Variants in ISL2 observed in about 807,000 individuals in gnomAD.
ISL2 encodes insulin gene enhancer protein ISL-2.
In ISL2, 17 loss-of-function variants were observed where a neutral mutation model predicts 34.6. That is an observed-to-expected ratio of 0.49 (90% CI 0.34 to 0.74). The LOEUF (loss-of-function observed/expected upper bound fraction) is 0.74. Among genes scored for constraint, ISL2 ranks in the 30% least tolerant of loss-of-function variants. The probability of loss-of-function intolerance (pLI) is 0.01; values close to 1 mark genes in which losing one functional copy is unlikely to be tolerated. For synonymous variants in ISL2, 232 were observed against 225.5 expected, an observed-to-expected ratio of 1.03 and a Z score of -0.26; for missense variants, 469 against 515.2, an observed-to-expected ratio of 0.91 and a Z score of 0.87.
Position 76,340,518 on chromosome 15 carries a change from C to A in ISL2, c.754C>A (p.Leu252Ile). 3 of 1,612,326 alleles carry A rather than the reference C, an allele frequency of 1.9e-6. No homozygotes were observed. Among genetic ancestry groups the A allele is most frequent in the Non-Finnish European group, 2.5e-6 (3 of 1,179,008 alleles). Residue 252 changes from leucine (L) to isoleucine (I), a missense_variant, in exon 4 of 6, where the codon CTC (leucine) becomes ATC (isoleucine). Coordinates refer to ENST00000290759, the MANE Select transcript of ISL2 (RefSeq NM_145805.3). ...KRCKDKKKSI[L>I]MKQLQQQQHS... ...CTGCAAGGACAAGAAGAAATCCATT[C>A]TCATGAAGCAGCTGCAGCAGCAGCA... is the stretch of plus-strand genomic sequence containing the variant.
Position 76,338,323 on chromosome 15 carries a change from A to G in ISL2, c.320A>G (p.Asp107Gly). Reference sequence around the variant, plus strand: ...AGCGACCTGGTGATGAGGGCGCGGGACAGCGTGTACCACATCGAGTGCTTC... The same window carrying G: ...AGCGACCTGGTGATGAGGGCGCGGGGCAGCGTGTACCACATCGAGTGCTTC... ...SSSDLVMRAR[D>G]SVYHIECFRC... The change falls in exon 3 of 6, where the codon GAC (aspartate) becomes GGC (glycine). Residue 107 changes from aspartate to glycine, a missense_variant. Physicochemically the swap from Asp to Gly is moderately conservative, Grantham distance 94. This residue lies in a region of ISL2 where 297 missense variants were observed against 337.8 expected (regional missense o/e 0.88). Coordinates refer to ENST00000290759, the MANE Select transcript of ISL2 (RefSeq NM_145805.3). 1 of 1,582,422 alleles carries G rather than the reference A, an allele frequency of 6.3e-7. No homozygotes were observed. Among genetic ancestry groups the G allele is most frequent in the East Asian group, 2.4e-5 (1 of 41,952 alleles).
At position 76,341,890 on chromosome 15, in the gene ISL2, AC is replaced by A; in HGVS notation, c.*58del. On this transcript the variant is annotated 3_prime_UTR_variant, in exon 6 of 6. Coordinates refer to ENST00000290759, the MANE Select transcript of ISL2 (RefSeq NM_145805.3). ...CTCGCATGCTCCCTGCATGAGACTC[AC>A]CCATGCTCAGGCCATTCCAGTTCCG... 2 of 1,115,796 alleles carry A rather than the reference AC, an allele frequency of 1.8e-6. No homozygotes were observed. The highest frequency in any genetic ancestry group is 1.4e-6 in the Non-Finnish European group (1 of 729,636). 69.1% of individuals were successfully genotyped at this position (1,115,796 alleles called of 1,614,324 possible). A position where few individuals can be genotyped will look rare whatever the true frequency, so the allele number is the denominator to read the frequency against.
chr15:76,340,384 G>A lies in ISL2; in HGVS notation c.620G>A (p.Arg207Gln). 6.2e-7 allele frequency: 1 copy of A among 1,613,596 alleles called. No individual in the cohort carries two copies. The highest frequency in any genetic ancestry group is 1.3e-5 in the African/African-American group (1 of 75,050). The part of the protein sequence containing the change: ...VLNEKQLHTL[R>Q]TCYAANPRPD... ...AACGAGAAGCAGCTGCACACTCTGC[G>A]GACCTGCTACGCCGCCAACCCGCGG... The change falls in exon 4 of 6, where the codon CGG (arginine) becomes CAG (glutamine). Residue 207 changes from arginine (R) to glutamine (Q), a missense_variant. By Grantham distance (43) the Arg-to-Gln change is conservative. Coordinates refer to ENST00000290759, the MANE Select transcript of ISL2 (RefSeq NM_145805.3).
chr15:76,341,623 C>T, intron 5 of ISL2, 96 bp from the exon 6 acceptor site: 2 of 966,396 alleles, frequency 2.1e-6, no homozygotes, highest in Non-Finnish European at 3.3e-6. Flanking sequence ...GGCGGCCGGT[C>T]CCCAAGGGAC....
rs768048711 is a variant in ISL2 at position 76,338,501 on chromosome 15, C to T, written c.498C>T (p.Gly166=). 14 of 1,313,512 alleles carry T rather than the reference C, an allele frequency of 1.1e-5. 1 individual carries two copies. In the South Asian group the frequency reaches 2.5e-4, roughly 23 times the overall value. The allele number at this position is 1,313,512 out of a possible 1,614,324, so 81.4% of individuals were successfully genotyped here. ...RSPGPLPGAR[G]LHLPDAGSGR... ...CCGGCCCGCTTCCCGGCGCCCGCGG[C>T]CTGCATCTGCCCGGTAAGCGCGCCG... Residue 166 remains glycine (G), a synonymous_variant, in exon 3 of 6, where the codon GGC becomes GGT. Coordinates refer to ENST00000290759, the MANE Select transcript of ISL2 (RefSeq NM_145805.3).
intron 1 of ISL2, among the ~76,000 whole-genome samples, chr15:76,337,226 G>GT (rs2141580622): frequency 1.9e-5 from 2 of 104,562 alleles, no homozygotes; most frequent in Non-Finnish European, 3.9e-5. Context: ...ATTTAGGGAT[G>GT]TGGGTTTTTT....
chr15:76,337,903 C>T lies in ISL2; in HGVS notation c.184C>T (p.Leu62=). The T allele has an allele frequency of 6.2e-7, 1 of 1,612,586 alleles. No homozygotes were observed. The highest frequency in any genetic ancestry group is 8.5e-7 in the Non-Finnish European group (1 of 1,179,566). The stretch of plus-strand genomic sequence containing the variant: ...CAAGTGTGCCGAGTGCAGCCAGTAC[C>T]TGGACGAGACGTGCACGTGCTTCGT... The part of the protein sequence containing the change: ...CLKCAECSQY[L]DETCTCFVRD... Residue 62 remains leucine (L), a synonymous_variant, in exon 2 of 6, where the codon CTG becomes TTG. Transcript: ENST00000290759.
chr15:76,341,323 C>A, intron 5 of ISL2, 22 bp downstream of exon 5: 1 of 1,578,234 alleles, frequency 6.3e-7, no homozygotes, highest in South Asian at 1.2e-5. Flanking sequence ...CCCTACCCGC[C>A]CCGACCTCGG....
intron 1 of ISL2, 70 bp from the exon 2 acceptor site, chr15:76,337,708 C>A (rs2040161474): frequency 7.2e-7 from 1 of 1,396,844 alleles, no homozygotes; most frequent in Non-Finnish European, 9.6e-7. Flanking sequence ...TGGGTTGGGG[C>A]TGGAGTAGCC....
At position 76,338,277 on chromosome 15, in the gene ISL2, T is replaced by G; in HGVS notation, c.274T>G (p.Cys92Gly). Residue 92 changes from cysteine to glycine, a missense_variant, in exon 3 of 6, where the codon TGC (cysteine) becomes GGC (glycine). Cys to Gly is a radical substitution (Grantham distance 159). Transcript: ENST00000290759. ...VRLFGIKCAK[C>G]QVGFSSSDLV... ...GCTGTTCGGCATCAAGTGCGCCAAG[T>G]GCCAGGTGGGCTTCAGCAGCAGCGA... 6.3e-7 allele frequency: 1 copy of G among 1,582,354 alleles called. No homozygotes were observed. Among genetic ancestry groups the G allele is most frequent in the Non-Finnish European group, 8.5e-7 (1 of 1,169,714 alleles).
Position 76,337,812 on chromosome 15 carries a change from G to A in ISL2, c.93G>A (p.Gly31=). Residue 31 remains glycine, a synonymous_variant, in exon 2 of 6, where the codon GGG becomes GGA. Transcript: ENST00000290759. The stretch of plus-strand genomic sequence containing the variant: ...GGACGGCCATGTGCGTGGGCTGCGG[G>A]AGTCAGATCCACGACCAGTTTATCC... ...KPGTAMCVGC[G]SQIHDQFILR... 6.2e-7 allele frequency: 1 copy of A among 1,608,420 alleles called. No individual in the cohort carries two copies. The highest frequency in any genetic ancestry group is 8.5e-7 in the Non-Finnish European group (1 of 1,177,208).
chr15:76,341,821 C>A lies in ISL2; in HGVS notation c.1066C>A (p.Pro356Thr), dbSNP rs1566965841. 6.2e-7 allele frequency: 1 copy of A among 1,612,800 alleles called. No individual in the cohort carries two copies. Among genetic ancestry groups the A allele is most frequent in the Non-Finnish European group, 8.5e-7 (1 of 1,179,240 alleles). Residue 356 changes from proline (P) to threonine (T), a missense_variant, in exon 6 of 6, where the codon CCC becomes ACC. Pro to Thr is a conservative substitution (Grantham distance 38). This residue lies in a region of ISL2 where 169 missense variants were observed against 154.2 expected (regional missense o/e 1.10). Transcript: ENST00000290759. ...PDTPNSMVPSPVET is the reference protein window; with the variant it reads ...PDTPNSMVPSTVET ...CACCCCCAACAGTATGGTGCCGAGT[C>A]CCGTGGAGACGTGAGGGGGACCCCT... is the stretch of plus-strand genomic sequence containing the variant.
At position 76,341,973 on chromosome 15, in the gene ISL2, A is replaced by G; in HGVS notation, c.*138A>G. The G allele has an allele frequency of 3.0e-6, 2 of 673,518 alleles. No individual in the cohort carries two copies. Among genetic ancestry groups the G allele is most frequent in the Non-Finnish European group, 5.3e-6 (2 of 377,504 alleles). 41.7% of individuals were successfully genotyped at this position (673,518 alleles called of 1,614,324 possible). A position where few individuals can be genotyped will look rare whatever the true frequency, so the allele number is the denominator to read the frequency against. ...GTTATTTATGAGAGAGTACCGAGAGACACGGTCTGGACAGCCCAAGGCGCC... is the reference window on the plus strand; with the variant it reads ...GTTATTTATGAGAGAGTACCGAGAGGCACGGTCTGGACAGCCCAAGGCGCC... On this transcript the variant is annotated 3_prime_UTR_variant, in exon 6 of 6. Transcript: ENST00000290759.
Position 76,340,548 on chromosome 15 carries a change from AGC to A in ISL2, c.786_787del (p.Ser262ArgfsTer22). ...LMKQLQQQQH[S>X]DKTSLQGLTG... ...GAAGCAGCTGCAGCAGCAGCAGCAC[AGC>A]GACAAGACGGTGAGCAGCCGCTGGG... is the stretch of plus-strand genomic sequence containing the variant. On this transcript the variant is annotated frameshift_variant, in exon 4 of 6. Transcript: ENST00000290759. LOFTEE classifies it high-confidence loss of function. 6.2e-7 allele frequency: 1 copy of A among 1,607,014 alleles called. No homozygotes were observed. The highest frequency in any genetic ancestry group is 8.5e-7 in the Non-Finnish European group (1 of 1,175,106).
In ISL2 at chr15:76,341,312, G is replaced by A; in HGVS notation, c.963+11G>A. On this transcript the variant is annotated intron_variant, in intron 5 of 5. Coordinates refer to ENST00000290759, the MANE Select transcript of ISL2 (RefSeq NM_145805.3). ...GCCTTCCAACAGCTGGTGAGGCCCT[G>A]CCCTACCCGCCCCGACCTCGGGACT... 4 of 1,575,160 alleles carry A rather than the reference G, an allele frequency of 2.5e-6. No individual in the cohort carries two copies. The highest frequency in any genetic ancestry group is 3.5e-6 in the Non-Finnish European group (4 of 1,158,176).
intron 2 of ISL2, 106 bp from the exon 3 acceptor site, chr15:76,338,146 C>T: frequency 1.4e-6 from 2 of 1,435,074 alleles, no homozygotes; most frequent in Non-Finnish European, 1.8e-6. Context: ...ACCGCAGTCT[C>T]CTGGTGGCCA....
chr15:76,338,492 C>A lies in ISL2; in HGVS notation c.489C>A (p.Gly163=), dbSNP rs1324779185. 7.6e-7 allele frequency: 1 copy of A among 1,315,370 alleles called. No individual in the cohort carries two copies. Among genetic ancestry groups the A allele is most frequent in the South Asian group, 2.7e-5 (1 of 36,422 alleles). 81.5% of individuals were successfully genotyped at this position (1,315,370 alleles called of 1,614,324 possible). The change falls in exon 3 of 6, where the codon GGC becomes GGA. Residue 163 remains glycine (G), a synonymous_variant. Transcript: ENST00000290759. ...CGCGCAGCCCCGGCCCGCTTCCCGG[C>A]GCCCGCGGCCTGCATCTGCCCGGTA... is the stretch of plus-strand genomic sequence containing the variant. The part of the protein sequence containing the change: ...GSPRSPGPLP[G]ARGLHLPDAG...
At chr15:76,339,997 C>T (rs1027006973) in intron 3 of ISL2, 2 of 1,283,224 alleles carry the variant, frequency 1.6e-6, no homozygotes, top group African/African-American at 3.1e-5. Context: ...CAGCCACTCC[C>T]TCCCCGCAGC....
chr15:76,337,013 A>G, intron 1 of ISL2, 72 bp downstream of exon 1: 2 of 1,374,902 alleles, frequency 1.5e-6, no homozygotes, highest in Non-Finnish European at 2.1e-6. Flanking sequence ...TAATGCAGAA[A>G]AATGTTTAGT....
Sources: gnomAD v4.1 joint callset for allele counts (sites outside exome capture counted in the v4.1 genomes callset) on GRCh38, gnomAD v4.1.1 for gene constraint, gnomAD v4.1.1 regional missense constraint, MANE v1.5 for transcripts, NCBI Gene and HGNC (gene_info 2026-07-23, HGNC 2026-07-21) for gene names.